Variants in NKAIN2 observed in about 807,000 individuals in gnomAD.
NKAIN2 encodes sodium/potassium transporting ATPase interacting 2.
NKAIN2 carries 14 observed loss-of-function variants against 32.6 expected under a neutral mutation model. The ratio of observed to expected loss-of-function variants is 0.43; its 90% CI spans 0.28 to 0.67. NKAIN2 has a LOEUF of 0.67. Among genes scored for constraint, NKAIN2 ranks in the 30% least tolerant of loss-of-function variants. The pLI is 0.17. For synonymous variants in NKAIN2, 80 were observed against 87.2 expected, an observed-to-expected ratio of 0.92 and a Z score of 0.46; for missense variants, 198 against 258.3, an observed-to-expected ratio of 0.77 and a Z score of 1.60.
At chr6:124,785,010 C>T (rs549334634) in intron 4 of NKAIN2, among the ~76,000 whole-genome samples, 174 of 152,124 alleles carry the variant, frequency 1.1e-3, no homozygotes, top group Non-Finnish European at 1.5e-3. Flanking sequence ...GTCATTATTT[C>T]TTTGAAGACT....
chr6:124,270,387 C>T (rs1794701832), intron 1 of NKAIN2, among the ~76,000 whole-genome samples: 1 of 151,898 alleles, frequency 6.6e-6, no homozygotes, highest in African/African-American at 2.4e-5. Flanking sequence ...ATATATGAGG[C>T]ATATTTTTGG....
At position 124,027,636 on chromosome 6, in the gene NKAIN2, T is replaced by C. The variant is rs148933165; in HGVS notation, c.54+223382T>C. Among the ~76,000 whole-genome samples, 392 of 152,328 alleles carry C rather than the reference T, an allele frequency of 2.6e-3. 1 individual carries two copies. The highest frequency in any genetic ancestry group is 5.4e-3 in the South Asian group (26 of 4,830). On this transcript the variant is annotated intron_variant, in intron 1 of 6. Transcript: ENST00000368417. ...CAGTGATATCATCGTCAGCCAGTCA[T>C]GCCTAGTTTGCTGGACACAGGCATT...
At chr6:124,167,040 T>C (rs1351434701) in intron 1 of NKAIN2, among the ~76,000 whole-genome samples, 2 of 147,984 alleles carry the variant, frequency 1.4e-5, no homozygotes, top group African/African-American at 5.0e-5. Flanking sequence ...AGTAGTTTTT[T>C]CCAATTCTGT....
intron 1 of NKAIN2, among the ~76,000 whole-genome samples, chr6:124,144,067 A>T (rs773871151): frequency 3.3e-5 from 5 of 152,216 alleles, no homozygotes; most frequent in Admixed American, 6.5e-5. Flanking sequence ...TAATGAAGAG[A>T]TGTGCCATTT....
intron 1 of NKAIN2, among the ~76,000 whole-genome samples, chr6:123,831,034 T>C (rs1261942924): frequency 1.3e-5 from 2 of 152,204 alleles, no homozygotes; most frequent in Admixed American, 6.5e-5. Flanking sequence ...TATGGAACAA[T>C]GCAAGTCTTG....
chr6:124,169,426 T>A (rs1389949905), intron 1 of NKAIN2, among the ~76,000 whole-genome samples: 1 of 152,186 alleles, frequency 6.6e-6, no homozygotes, highest in African/African-American at 2.4e-5. Flanking sequence ...TGGGATTTGC[T>A]ACAGTTTCAC....
chr6:124,229,563 G>GACAGACAA (rs1472525638), intron 1 of NKAIN2, among the ~76,000 whole-genome samples: 8 of 151,736 alleles, frequency 5.3e-5, no homozygotes, highest in African/African-American at 1.9e-4. Context: ...CAGACAGACA[G>GACAGACAA]GGTTTGGCTC....
chr6:123,864,285 T>C (rs1006964131), intron 1 of NKAIN2, among the ~76,000 whole-genome samples: 1 of 152,182 alleles, frequency 6.6e-6, no homozygotes, highest in Admixed American at 6.5e-5. Flanking sequence ...GTGGATAACT[T>C]ACAGAGTAAA....
intron 3 of NKAIN2, among the ~76,000 whole-genome samples, chr6:124,476,401 G>C (rs908684270): frequency 3.1e-4 from 1 of 3,266 alleles, no homozygotes; most frequent in East Asian, 0.02. Context: ...ATGTGACTGT[G>C]TGTGTGTGTG....
At chr6:124,113,740 C>A (rs1401753717) in intron 1 of NKAIN2, among the ~76,000 whole-genome samples, 1 of 152,158 alleles carries the variant, frequency 6.6e-6, no homozygotes, top group Non-Finnish European at 1.5e-5. Context: ...GGGAACCACA[C>A]TGAGACAAGG....
intron 1 of NKAIN2, among the ~76,000 whole-genome samples, chr6:124,139,739 C>T (rs1054701154): frequency 6.6e-6 from 1 of 151,688 alleles, no homozygotes; most frequent in Non-Finnish European, 1.5e-5. Flanking sequence ...CTGAAAATTA[C>T]TTTAAATCAT....
chr6:124,098,698 A>G (rs935506804), intron 1 of NKAIN2, among the ~76,000 whole-genome samples: 1 of 151,972 alleles, frequency 6.6e-6, no homozygotes, highest in Non-Finnish European at 1.5e-5. Flanking sequence ...GTGAAACCTC[A>G]TCTCTACTAA....
intron 3 of NKAIN2, among the ~76,000 whole-genome samples, chr6:124,650,103 C>T (rs1784315799): frequency 6.6e-6 from 1 of 152,142 alleles, no homozygotes; most frequent in Non-Finnish European, 1.5e-5. Context: ...CAGGGTTATT[C>T]CCTCTCACTA....
intron 1 of NKAIN2, among the ~76,000 whole-genome samples, chr6:123,818,217 T>C (rs1336213742): frequency 6.6e-6 from 1 of 152,198 alleles, no homozygotes; most frequent in Admixed American, 6.5e-5. Context: ...CAAACACGTA[T>C]TTCTGAATGT....
intron 1 of NKAIN2, among the ~76,000 whole-genome samples, chr6:124,139,581 A>C (rs1255829695): frequency 6.6e-6 from 1 of 152,194 alleles, no homozygotes; most frequent in African/African-American, 2.4e-5. Context: ...GTTTCACTTA[A>C]ACTAGTACAC....
chr6:124,364,566 C>T (rs1799437894), intron 3 of NKAIN2, among the ~76,000 whole-genome samples: 1 of 151,922 alleles, frequency 6.6e-6, no homozygotes, highest in Non-Finnish European at 1.5e-5. Context: ...GTTGACCTTT[C>T]AACAGGAAGG....
At chr6:123,848,941 A>G (rs1209779118) in intron 1 of NKAIN2, among the ~76,000 whole-genome samples, 1 of 152,218 alleles carries the variant, frequency 6.6e-6, no homozygotes, top group Non-Finnish European at 1.5e-5. Context: ...TTTCTGCCAA[A>G]TTATTTAAGC....
At chr6:123,926,969 G>A (rs577775288) in intron 1 of NKAIN2, among the ~76,000 whole-genome samples, 7 of 152,240 alleles carry the variant, frequency 4.6e-5, no homozygotes, top group African/African-American at 1.7e-4. Context: ...TAGGAACAAG[G>A]CAAGGCTAGG....
intron 2 of NKAIN2, among the ~76,000 whole-genome samples, chr6:124,350,457 T>C (rs1267223470): frequency 6.6e-6 from 1 of 152,030 alleles, no homozygotes; most frequent in Non-Finnish European, 1.5e-5. Flanking sequence ...AGGATTAAGA[T>C]AGGAGGTATA....
Sources: allele counts gnomAD v4.1 joint callset (sites outside exome capture counted in the v4.1 genomes callset), GRCh38; gene constraint gnomAD v4.1.1; transcripts MANE v1.5; gene names NCBI Gene and HGNC (gene_info 2026-07-23, HGNC 2026-07-21).